The following SHANK2 variants were observed in gnomAD, a reference collection of about 807,000 sequenced individuals.
The protein encoded by SHANK2 is SH3 and multiple ankyrin repeat domains 2, also known as SH3 and multiple ankyrin repeat domains protein 2.
A neutral mutation model predicts 133.7 loss-of-function variants in SHANK2; 43 were observed. That is an observed-to-expected ratio of 0.32 (90% CI 0.25 to 0.41). SHANK2 has a LOEUF of 0.41. SHANK2 is among the 10% of genes least tolerant of loss of function. The pLI is 1.00. For missense variants in SHANK2, 1,994 were observed against 2,235.8 expected (o/e 0.89, Z 2.18); for synonymous variants, 1,017 against 952.8 (o/e 1.07, Z -1.24).
chr11:70,650,651 C>T (rs1377037385), intron 17 of SHANK2, among the ~76,000 whole-genome samples: 1 of 152,208 alleles, frequency 6.6e-6, no homozygotes, highest in Non-Finnish European at 1.5e-5. Flanking sequence ...TGATCACTCC[C>T]CAAATCCACC....
intron 5 of SHANK2, among the ~76,000 whole-genome samples, chr11:71,111,233 T>C (rs1951887357): frequency 6.6e-6 from 1 of 152,176 alleles, no homozygotes; most frequent in Non-Finnish European, 1.5e-5. Flanking sequence ...ACTTTTCCAA[T>C]CTCCAGTTTC....
chr11:70,800,485 G>A (rs1302004512), intron 13 of SHANK2, among the ~76,000 whole-genome samples: 1 of 152,158 alleles, frequency 6.6e-6, no homozygotes, highest in Non-Finnish European at 1.5e-5. Context: ...GCTGAAAGAG[G>A]AATTATGGCC....
intron 2 of SHANK2, among the ~76,000 whole-genome samples, chr11:71,176,528 TA>T (rs1163867605): frequency 3.3e-5 from 5 of 152,270 alleles, no homozygotes; most frequent in African/African-American, 9.6e-5. Flanking sequence ...GGAAAAAAAT[TA>T]AACTTCCAAA....
intron 17 of SHANK2, among the ~76,000 whole-genome samples, chr11:70,557,841 C>T (rs2059853618): frequency 6.6e-6 from 1 of 152,222 alleles, no homozygotes; most frequent in African/African-American, 2.4e-5. Flanking sequence ...CATCTGAGCC[C>T]ACCTGGACCC....
rs2135231564 is a variant in SHANK2, at chr11:70,800,010, C to A, written c.1664-1454G>T. On this transcript the variant is annotated intron_variant, in intron 13 of 25. Transcript: ENST00000601538. ...CAGTGGCAAAGTGAGGAAGGAAAAT[C>A]TTTATATCTTAGGGTTTTTTTTTTG... Among the ~76,000 whole-genome samples, 3 of 152,078 alleles carry A rather than the reference C, an allele frequency of 2.0e-5. No homozygotes were observed. The South Asian group carries it at 6.2e-4, about 32-fold the overall frequency.
intron 17 of SHANK2, among the ~76,000 whole-genome samples, chr11:70,622,665 A>T (rs1322015790): frequency 6.6e-6 from 1 of 152,204 alleles, no homozygotes; most frequent in Non-Finnish European, 1.5e-5. Context: ...TCAAGATCTC[A>T]TCTCAAGATC....
intron 17 of SHANK2, among the ~76,000 whole-genome samples, chr11:70,595,552 C>T (rs1591626533): frequency 6.6e-6 from 1 of 152,170 alleles, no homozygotes; most frequent in Non-Finnish European, 1.5e-5. Flanking sequence ...TGGCCTGGAG[C>T]CCAGCCTACA....
intron 3 of SHANK2, among the ~76,000 whole-genome samples, chr11:71,121,738 T>G (rs1952087235): frequency 6.6e-6 from 1 of 152,246 alleles, no homozygotes; most frequent in Admixed American, 6.5e-5. Flanking sequence ...GAATTAATTT[T>G]TGTATAAGGT....
At chr11:70,728,575 G>A (rs757566325) in intron 14 of SHANK2, among the ~76,000 whole-genome samples, 1 of 152,188 alleles carries the variant, frequency 6.6e-6, no homozygotes, top group Non-Finnish European at 1.5e-5. Context: ...TTTTGAGTCC[G>A]ATGGACAGAG....
At chr11:70,566,916 G>A (rs1258578050) in intron 17 of SHANK2, among the ~76,000 whole-genome samples, 6 of 152,190 alleles carry the variant, frequency 3.9e-5, no homozygotes, top group African/African-American at 1.4e-4. Context: ...TACCTGGACA[G>A]GAAGAAGGAA....
At chr11:70,791,829 C>T (rs191146665) in intron 14 of SHANK2, among the ~76,000 whole-genome samples, 17 of 152,244 alleles carry the variant, frequency 1.1e-4, no homozygotes, top group Middle Eastern at 3.4e-3. Context: ...CTGTGTGCTC[C>T]GACATGCTGA....
chr11:70,504,757 G>A (rs1299947349), intron 17 of SHANK2, among the ~76,000 whole-genome samples: 16 of 152,058 alleles, frequency 1.1e-4, no homozygotes, highest in African/African-American at 2.7e-4. Flanking sequence ...ATGGATTTAG[G>A]AAGTAAAGGA....
At chr11:70,883,313 A>G (rs923813174) in intron 11 of SHANK2, among the ~76,000 whole-genome samples, 17 of 152,112 alleles carry the variant, frequency 1.1e-4, no homozygotes, top group Non-Finnish European at 2.5e-4. Flanking sequence ...TCCTGACTCT[A>G]TGCCCCATTG....
chr11:70,951,442 G>GCAC (rs1950839363), intron 10 of SHANK2, among the ~76,000 whole-genome samples: 2 of 134,842 alleles, frequency 1.5e-5, no homozygotes, highest in African/African-American at 6.8e-5. Flanking sequence ...CCTGGCTGCT[G>GCAC]TGTGGTGATG....
intron 14 of SHANK2, among the ~76,000 whole-genome samples, chr11:70,756,673 G>C (rs1555038992): frequency 6.6e-6 from 1 of 152,184 alleles, no homozygotes; most frequent in African/African-American, 2.4e-5. Flanking sequence ...GAGGCTTGGA[G>C]CTGCTGAGGG....
intron 17 of SHANK2, among the ~76,000 whole-genome samples, chr11:70,585,291 C>T (rs1337498305): frequency 6.6e-6 from 1 of 152,204 alleles, no homozygotes; most frequent in Non-Finnish European, 1.5e-5. Flanking sequence ...ACCAGTAGAG[C>T]CAGCTGGATG....
intron 17 of SHANK2, among the ~76,000 whole-genome samples, chr11:70,568,727 A>G (rs1244645752): frequency 1.4e-5 from 2 of 145,968 alleles, no homozygotes; most frequent in African/African-American, 2.5e-5. Context: ...GCCCCAGGCC[A>G]GGCATGGTCC....
intron 17 of SHANK2, among the ~76,000 whole-genome samples, chr11:70,596,643 G>T (rs951920556): frequency 6.6e-6 from 1 of 152,214 alleles, no homozygotes; most frequent in Non-Finnish European, 1.5e-5. Flanking sequence ...CCAGTGCAGC[G>T]CAGGGACTGG....
At chr11:71,149,994 T>G (rs1248495269) in intron 2 of SHANK2, among the ~76,000 whole-genome samples, 4 of 4,480 alleles carry the variant, frequency 8.9e-4, no homozygotes, top group Non-Finnish European at 1.1e-3. Context: ...GGGAGAGGAA[T>G]GGAGAGGAAG....
Sources: gnomAD v4.1 joint callset for allele counts (sites outside exome capture counted in the v4.1 genomes callset) on GRCh38, gnomAD v4.1.1 for gene constraint, MANE v1.5 for transcripts, NCBI Gene and HGNC (gene_info 2026-07-23, HGNC 2026-07-21) for gene names.